SPATA9: variants seen among roughly 807,000 people sequenced by gnomAD.
The protein encoded by SPATA9 is spermatogenesis associated 9.
In SPATA9, 27 loss-of-function variants were observed where a neutral mutation model predicts 25.5. The ratio of observed to expected loss-of-function variants is 1.06; its 90% confidence interval spans 0.78 to 1.46. The LOEUF (loss-of-function observed/expected upper bound fraction) is 1.46, where lower values mean the gene tolerates loss of function less well. SPATA9 is among the 40% of genes most tolerant of loss of function. The pLI is 0.00. For missense variants in SPATA9, 282 were observed against 297.5 expected, an observed-to-expected ratio of 0.95 and a Z score of 0.38; for synonymous variants, 102 against 105.7, an observed-to-expected ratio of 0.97 and a Z score of 0.21.
At chr5:95,668,675 G>T (rs1250624987) in intron 3 of SPATA9, among the ~76,000 whole-genome samples, 1 of 152,026 alleles carries the variant, frequency 6.6e-6, no homozygotes, top group African/African-American at 2.4e-5. Flanking sequence ...TTTAAATTTG[G>T]TTATGTAAAA....
chr5:95,663,659 T>G (rs1010029364), intron 4 of SPATA9, among the ~76,000 whole-genome samples: 41 of 152,212 alleles, frequency 2.7e-4, no homozygotes, highest in Middle Eastern at 6.8e-3. Context: ...CATGGTACAA[T>G]GGCTGAAAAA....
At chr5:95,661,105 T>C (rs1751214344) in intron 4 of SPATA9, among the ~76,000 whole-genome samples, 1 of 152,060 alleles carries the variant, frequency 6.6e-6, no homozygotes, top group Non-Finnish European at 1.5e-5. Context: ...TACTACTATA[T>C]CTAATGGACA....
rs561674130 is a variant in SPATA9, at chr5:95,662,361, A to C, written c.474+1592T>G. ...TGTAAGTCAAGATTCTCTTTGACAC[A>C]GAAAGCACGTAAGATAAAGGAAAAG... is the stretch of plus-strand genomic sequence containing the variant. On this transcript the variant is annotated intron_variant, in intron 4 of 4. Coordinates refer to ENST00000274432, the MANE Select transcript of SPATA9 (RefSeq NM_031952.4). Among the ~76,000 whole-genome samples, 7 of 152,324 alleles carry C rather than the reference A, an allele frequency of 4.6e-5. No homozygotes were observed. The South Asian group carries it at 1.4e-3, about 32-fold the overall frequency.
intron 1 of SPATA9, among the ~76,000 whole-genome samples, chr5:95,691,149 G>GTT (rs1402789153): frequency 6.6e-6 from 1 of 151,734 alleles, no homozygotes; most frequent in Non-Finnish European, 1.5e-5. Context: ...CCGGGAGGGG[G>GTT]AGCTTGCAGT....
chr5:95,704,588 A>G, the SPATA9 span, among the ~76,000 whole-genome samples: 1 of 152,200 alleles, frequency 6.6e-6, no homozygotes, highest in Non-Finnish European at 1.5e-5. Context: ...TCAATTAAAG[A>G]GTTAAAACCA....
At chr5:95,687,377 A>G (rs1373305067), upstream of SPATA9, among the ~76,000 whole-genome samples, 1 of 152,194 alleles carries the variant, frequency 6.6e-6, no homozygotes, top group Non-Finnish European at 1.5e-5. Flanking sequence ...TCATTCTAAT[A>G]AGAATTTGAA....
chr5:95,665,493 C>T lies in SPATA9; in HGVS notation c.379-1445G>A, dbSNP rs192330017. On this transcript the variant is annotated intron_variant, in intron 3 of 4. Transcript: ENST00000274432. The stretch of plus-strand genomic sequence containing the variant: ...ATCATGTGGTACTTGTCTTTCTGTG[C>T]CTGGCTTATTTCATTTAATGTGATC... 4.5e-4 allele frequency among the ~76,000 whole-genome samples: 68 copies of T among 152,274 alleles called. 1 individual carries two copies. Among genetic ancestry groups the T allele is most frequent in the Middle Eastern group, 6.8e-3 (2 of 294 alleles).
chr5:95,674,598 G>T (rs1752740993), intron 3 of SPATA9: 1 of 250,954 alleles, frequency 4.0e-6, no homozygotes, highest in Non-Finnish European at 8.1e-6. Context: ...TGAGGGGAAA[G>T]TCAGCCTAAT....
the SPATA9 span, among the ~76,000 whole-genome samples, chr5:95,706,950 C>G: frequency 6.6e-6 from 1 of 152,128 alleles, no homozygotes; most frequent in African/African-American, 2.4e-5. Flanking sequence ...CAAGTCTTCT[C>G]AAGTTACTTG....
upstream of SPATA9, among the ~76,000 whole-genome samples, chr5:95,701,830 C>T: frequency 6.6e-6 from 1 of 152,040 alleles, no homozygotes; most frequent in Admixed American, 6.6e-5. Flanking sequence ...CATTTGAGAG[C>T]TTGACAGACT....
the SPATA9 span, chr5:95,731,519 C>T: frequency 2.4e-6 from 3 of 1,262,514 alleles, no homozygotes; most frequent in Non-Finnish European, 3.0e-6. Context: ...CTGGCTGGCG[C>T]GGCCCCGGCC....
At chr5:95,656,261 T>G (rs1561389484), downstream of SPATA9, 2 of 1,613,198 alleles carry the variant, frequency 1.2e-6, no homozygotes. Context: ...AGTGTGACTC[T>G]GATTTTTATG....
rs1180334119 is a variant in SPATA9, at chr5:95,658,715, A to G, written c.673T>C (p.Tyr225His). 5 of 1,613,868 alleles carry G rather than the reference A, an allele frequency of 3.1e-6. No homozygotes were observed. The highest frequency in any genetic ancestry group is 4.2e-6 in the Non-Finnish European group (5 of 1,179,908). ...TGCTTATTAGCAAGAAGCTTGGGGT[A>G]ATCTGAAATGTCTGGCTTCTCCGGC... Reference protein sequence around the residue: ...SLPEKPDISDYPKLLANKQSN... With the variant: ...SLPEKPDISDHPKLLANKQSN... Residue 225 changes from tyrosine to histidine, a missense_variant, in exon 5 of 5, where the codon TAC becomes CAC. Coordinates refer to ENST00000274432, the MANE Select transcript of SPATA9 (RefSeq NM_031952.4).
the SPATA9 span, chr5:95,731,411 G>C: frequency 2.5e-6 from 3 of 1,187,698 alleles, no homozygotes; most frequent in Non-Finnish European, 3.1e-6. Context: ...ACTTGGGGCT[G>C]TGCGGCGGTC....
chr5:95,699,077 T>A (rs1201622532), upstream of SPATA9, among the ~76,000 whole-genome samples: 1 of 152,226 alleles, frequency 6.6e-6, no homozygotes, highest in African/African-American at 2.4e-5. Context: ...GTGCTTTCAA[T>A]GCTGCGATTC....
intron 3 of SPATA9, chr5:95,670,960 C>G: frequency 1.1e-6 from 1 of 912,064 alleles, no homozygotes; most frequent in Non-Finnish European, 1.3e-6. Context: ...TCAACCCTAG[C>G]TACTGTATAC....
chr5:95,660,708 T>C (rs1384488883), intron 4 of SPATA9, among the ~76,000 whole-genome samples: 1 of 152,164 alleles, frequency 6.6e-6, no homozygotes, highest in Non-Finnish European at 1.5e-5. Flanking sequence ...CAAAAAATTA[T>C]ATTTGTGCAC....
the SPATA9 span, among the ~76,000 whole-genome samples, chr5:95,727,929 T>C: frequency 6.6e-6 from 1 of 152,220 alleles, no homozygotes; most frequent in Non-Finnish European, 1.5e-5. Context: ...TAACTAGTCA[T>C]TCAAGGACTG....
At chr5:95,686,518 T>G (rs916047331), upstream of SPATA9, among the ~76,000 whole-genome samples, 1 of 152,170 alleles carries the variant, frequency 6.6e-6, no homozygotes, top group Non-Finnish European at 1.5e-5. Flanking sequence ...GTTTATGACA[T>G]GAATTGAAAG....
Sources: gnomAD v4.1 joint callset for allele counts (sites outside exome capture counted in the v4.1 genomes callset) on GRCh38, gnomAD v4.1.1 for gene constraint, MANE v1.5 for transcripts, NCBI Gene and HGNC (gene_info 2026-07-23, HGNC 2026-07-21) for gene names.